Variants in CLMP observed in about 807,000 individuals in gnomAD.
The protein encoded by CLMP is CXADR like cell adhesion molecule.
Under a neutral mutation model 45.2 loss-of-function variants are expected in CLMP, and 27 were observed. The ratio of observed to expected loss-of-function variants is 0.60; its 90% CI spans 0.44 to 0.82. CLMP has a LOEUF of 0.82. CLMP is among the 40% of genes least tolerant of loss of function. The pLI, the probability that CLMP is intolerant of heterozygous loss-of-function variation, is 0.00. For missense variants in CLMP, 403 were observed against 448.4 expected (o/e 0.90, Z 0.91); for synonymous variants, 167 against 171.4 (o/e 0.97, Z 0.20).
intron 1 of CLMP, among the ~76,000 whole-genome samples, chr11:123,142,278 G>A (rs182882209): frequency 5.9e-4 from 90 of 152,140 alleles, no homozygotes; most frequent in African/African-American, 1.9e-3. Context: ...AAGTCACTGC[G>A]CCTGGCTGAT....
At chr11:123,122,564 T>C (rs1049762029) in intron 1 of CLMP, among the ~76,000 whole-genome samples, 1 of 152,162 alleles carries the variant, frequency 6.6e-6, no homozygotes, top group Non-Finnish European at 1.5e-5. Flanking sequence ...GCTTTTCTGT[T>C]GCGACACCCT....
chr11:123,080,420 C>T (rs1052514670), intron 5 of CLMP, among the ~76,000 whole-genome samples: 4 of 151,850 alleles, frequency 2.6e-5, no homozygotes, highest in Non-Finnish European at 5.9e-5. Flanking sequence ...TTCCACCTCC[C>T]GGGTTCAAGT....
At chr11:123,188,777 G>C (rs1262508765) in intron 1 of CLMP, 1 of 152,216 alleles carries the variant, frequency 6.6e-6, no homozygotes, top group African/African-American at 2.4e-5. Context: ...TTTGGTCTGT[G>C]TGGTGCCAAA....
intron 4 of CLMP, 94 bp downstream of exon 4, chr11:123,083,586 A>T: frequency 8.0e-7 from 1 of 1,253,180 alleles, no homozygotes; most frequent in Non-Finnish European, 1.2e-6. Flanking sequence ...AGGGTATTTC[A>T]GGTCACATAG....
chr11:123,123,688 A>G (rs12289987), intron 1 of CLMP, among the ~76,000 whole-genome samples: 10,432 of 152,264 alleles, frequency 0.069, 480 homozygotes, highest in East Asian at 0.16. Flanking sequence ...TATTATGTAC[A>G]GCATTGTACA....
chr11:123,110,932 G>C (rs1261395545), intron 1 of CLMP, among the ~76,000 whole-genome samples: 1 of 151,626 alleles, frequency 6.6e-6, no homozygotes. Context: ...TAGCTGTAAA[G>C]GGGTCCTTAT....
At chr11:123,117,518 C>A (rs1860735239) in intron 1 of CLMP, among the ~76,000 whole-genome samples, 1 of 152,268 alleles carries the variant, frequency 6.6e-6, no homozygotes, top group Non-Finnish European at 1.5e-5. Flanking sequence ...CCTCTGCCTC[C>A]TGAGTTCAAG....
chr11:123,173,295 C>A (rs977250765), intron 1 of CLMP, among the ~76,000 whole-genome samples: 2 of 152,176 alleles, frequency 1.3e-5, no homozygotes, highest in Admixed American at 1.3e-4. Flanking sequence ...CAGCACATAG[C>A]CTGGGTTTTC....
chr11:123,144,771 T>C (rs1184061617), intron 1 of CLMP, among the ~76,000 whole-genome samples: 2 of 152,254 alleles, frequency 1.3e-5, no homozygotes, highest in Non-Finnish European at 2.9e-5. Flanking sequence ...GTTTTTGAAG[T>C]GCAGGGATAT....
At chr11:123,090,714 A>G (rs950611649) in intron 2 of CLMP, among the ~76,000 whole-genome samples, 2 of 152,200 alleles carry the variant, frequency 1.3e-5, no homozygotes, top group African/African-American at 4.8e-5. Context: ...CCCAATACGC[A>G]AAGAATACTA....
chr11:123,165,715 A>T (rs1339368499), intron 1 of CLMP, among the ~76,000 whole-genome samples: 1 of 152,120 alleles, frequency 6.6e-6, no homozygotes, highest in Non-Finnish European at 1.5e-5. Context: ...TGTTCTTTGT[A>T]CCCAGCCCAA....
At chr11:123,085,775 TTTTTTTTG>T (rs1865858656) in intron 2 of CLMP, among the ~76,000 whole-genome samples, 1 of 147,314 alleles carries the variant, frequency 6.8e-6, no homozygotes, top group Non-Finnish European at 1.5e-5. Flanking sequence ...TTATGTTTTT[TTTTTTTTG>T]TTTTTTTTTT....
At chr11:123,149,786 T>TCTTC (rs1171067084) in intron 1 of CLMP, among the ~76,000 whole-genome samples, 31 of 103,068 alleles carry the variant, frequency 3.0e-4, no homozygotes, top group African/African-American at 1.4e-3. Flanking sequence ...TTTCTTTCTT[T>TCTTC]CTTCCTTTCT....
At chr11:123,078,087 C>A (rs1257233071) in intron 5 of CLMP, among the ~76,000 whole-genome samples, 4 of 151,482 alleles carry the variant, frequency 2.6e-5, no homozygotes, top group Non-Finnish European at 4.4e-5. Context: ...GCCTGTGCAA[C>A]AAGAGTGAAA....
chr11:123,089,392 C>T (rs1022279605), intron 2 of CLMP, among the ~76,000 whole-genome samples: 11 of 151,790 alleles, frequency 7.2e-5, no homozygotes, highest in African/African-American at 2.7e-4. Context: ...CTTCATGACA[C>T]AGCATACACA....
Position 123,073,782 on chromosome 11 carries a change from GA to G in CLMP, c.822-9del, listed in dbSNP as rs765762289. ...GGAGCTTCAGCATCTTCTCTGAAGAGAAAAAACAGCAAAGATTAACACTGGC... is the reference window on the plus strand; with the variant it reads ...GGAGCTTCAGCATCTTCTCTGAAGAGAAAAACAGCAAAGATTAACACTGGC... On this transcript the variant is annotated splice_polypyrimidine_tract_variant and intron_variant, in intron 6 of 6. Transcript: ENST00000448775. 1,484 of 1,558,508 alleles carry G rather than the reference GA, an allele frequency of 9.5e-4. No homozygotes were observed. The highest frequency in any genetic ancestry group is 2.0e-3 in the Middle Eastern group (10 of 4,972).
At chr11:123,194,707 G>A (rs1861955187) in intron 1 of CLMP, among the ~76,000 whole-genome samples, 1 of 152,204 alleles carries the variant, frequency 6.6e-6, no homozygotes, top group African/African-American at 2.4e-5. Context: ...CCTGTTCAAG[G>A]GCCCAGATGT....
chr11:123,131,446 G>GCAAAA (rs1406895574), intron 1 of CLMP, among the ~76,000 whole-genome samples: 3 of 152,052 alleles, frequency 2.0e-5, no homozygotes, highest in Non-Finnish European at 4.4e-5. Flanking sequence ...AAGATTAGAA[G>GCAAAA]CAAAACAAAA....
At chr11:123,117,679 G>A (rs1346690476) in intron 1 of CLMP, among the ~76,000 whole-genome samples, 1 of 151,792 alleles carries the variant, frequency 6.6e-6, no homozygotes, top group African/African-American at 2.4e-5. Context: ...CACTCGCCTT[G>A]GCCTCCCAAA....
Sources: allele counts gnomAD v4.1 joint callset (sites outside exome capture counted in the v4.1 genomes callset), GRCh38; gene constraint gnomAD v4.1.1; transcripts MANE v1.5; gene names NCBI Gene and HGNC (gene_info 2026-07-23, HGNC 2026-07-21).